Variants in B3GLCT observed in about 807,000 individuals in gnomAD.
B3GLCT encodes beta 3-glucosyltransferase.
Under a neutral mutation model 63.4 loss-of-function variants are expected in B3GLCT, and 65 were observed. That is an observed-to-expected ratio of 1.03 (90% CI 0.84 to 1.26). The LOEUF is 1.26. Among genes scored for constraint, B3GLCT ranks in the 50% most tolerant of loss-of-function variants. The pLI, the probability that B3GLCT is intolerant of heterozygous loss-of-function variation, is 0.00. For missense variants in B3GLCT, 577 were observed against 604.8 expected, an observed-to-expected ratio of 0.95 and a Z score of 0.48; for synonymous variants, 233 against 219.2, an observed-to-expected ratio of 1.06 and a Z score of -0.55.
intron 10 of B3GLCT, among the ~76,000 whole-genome samples, chr13:31,282,410 C>A (rs1010084427): frequency 1.3e-5 from 2 of 151,972 alleles, no homozygotes; most frequent in Non-Finnish European, 2.9e-5. Flanking sequence ...GAGGCCGAGG[C>A]GGGCGGATCA....
rs1036781137 is a variant in B3GLCT at position 31,208,627 on chromosome 13, C to G, written c.71-6424C>G. Among the ~76,000 whole-genome samples, 133 of 133,302 alleles carry G rather than the reference C, an allele frequency of 1.0e-3. 3 individuals are homozygous for G. The East Asian group carries it at 0.01, about 10-fold the overall frequency. The allele number at this position is 133,302 out of a possible 152,430, so 87.5% of individuals were successfully genotyped here. A position where few individuals can be genotyped will look rare whatever the true frequency, so the allele number is the denominator to read the frequency against. Reference sequence around the variant, plus strand: ...CTTCTGCTTCTTTAGTGGCCCCCCCCCCCCGCTCACTGCCACCTTCATTGA... The same window carrying G: ...CTTCTGCTTCTTTAGTGGCCCCCCCGCCCCGCTCACTGCCACCTTCATTGA... On this transcript the variant is annotated intron_variant, in intron 1 of 14. Transcript: ENST00000343307.
intron 6 of B3GLCT, among the ~76,000 whole-genome samples, chr13:31,260,218 T>C (rs1429362349): frequency 6.6e-6 from 1 of 152,242 alleles, no homozygotes; most frequent in African/African-American, 2.4e-5. Context: ...GATTTTTGCA[T>C]AGAGCTGGCT....
At chr13:31,240,352 CTT>C (rs990531560) in intron 4 of B3GLCT, among the ~76,000 whole-genome samples, 2 of 152,046 alleles carry the variant, frequency 1.3e-5, no homozygotes, top group African/African-American at 4.8e-5. Flanking sequence ...ACTATAAACC[CTT>C]TATTTAAAAC....
intron 7 of B3GLCT, among the ~76,000 whole-genome samples, chr13:31,267,450 T>A (rs1286919502): frequency 6.6e-6 from 1 of 152,236 alleles, no homozygotes; most frequent in Admixed American, 6.5e-5. Flanking sequence ...GAAAACATGC[T>A]CCAACTGAGC....
At chr13:31,202,626 CT>C (rs1440429492) in intron 1 of B3GLCT, among the ~76,000 whole-genome samples, 3 of 152,078 alleles carry the variant, frequency 2.0e-5, no homozygotes, top group African/African-American at 7.2e-5. Context: ...TCTCAGTGGC[CT>C]TTGCATATAG....
chr13:31,255,111 C>G (rs529842277), intron 6 of B3GLCT, among the ~76,000 whole-genome samples: 2 of 151,670 alleles, frequency 1.3e-5, no homozygotes, highest in Non-Finnish European at 2.9e-5. Flanking sequence ...AGCAAAGTCT[C>G]GGGATACAAA....
At chr13:31,259,161 A>G (rs1871891298) in intron 6 of B3GLCT, among the ~76,000 whole-genome samples, 1 of 152,212 alleles carries the variant, frequency 6.6e-6, no homozygotes, top group South Asian at 2.1e-4. Flanking sequence ...TTTTATCCTT[A>G]AAGAACACAT....
At chr13:31,302,368 G>A (rs946157405) in intron 12 of B3GLCT, among the ~76,000 whole-genome samples, 5 of 151,754 alleles carry the variant, frequency 3.3e-5, no homozygotes, top group African/African-American at 7.3e-5. Flanking sequence ...AGCTCCCAGC[G>A]TGAGCGACGC....
intron 7 of B3GLCT, among the ~76,000 whole-genome samples, chr13:31,265,981 G>A (rs931465823): frequency 2.0e-5 from 3 of 152,050 alleles, no homozygotes; most frequent in African/African-American, 7.2e-5. Context: ...TTAGAACTGT[G>A]CTATTGGGGG....
chr13:31,235,894 C>T (rs2137784504), intron 4 of B3GLCT, among the ~76,000 whole-genome samples: 1 of 152,250 alleles, frequency 6.6e-6, no homozygotes, highest in East Asian at 1.9e-4. Context: ...TTCTGGATTT[C>T]TCGAAGAGTG....
At chr13:31,296,738 A>T (rs1274277944) in intron 12 of B3GLCT, among the ~76,000 whole-genome samples, 1 of 151,868 alleles carries the variant, frequency 6.6e-6, no homozygotes, top group Non-Finnish European at 1.5e-5. Flanking sequence ...CATCCACCAT[A>T]TGTTTCTTTT....
chr13:31,261,000 T>C lies in B3GLCT; in HGVS notation c.514T>C (p.Tyr172His), dbSNP rs781296239. 10 of 1,614,080 alleles carry C rather than the reference T, an allele frequency of 6.2e-6. No individual in the cohort carries two copies. The highest frequency in any genetic ancestry group is 7.6e-6 in the Non-Finnish European group (9 of 1,179,948). The change falls in exon 7 of 15, where the codon TAT becomes CAT. Residue 172 changes from tyrosine to histidine, a missense_variant. Transcript: ENST00000343307. ...TGAAGAAGCTACAATAATTCACCATTATGCCTTTTCCGAGAATCCTACAGT... is the reference window on the plus strand; with the variant it reads ...TGAAGAAGCTACAATAATTCACCATCATGCCTTTTCCGAGAATCCTACAGT... ...HDEEATIIHHYAFSENPTVFK... is the reference protein window; with the variant it reads ...HDEEATIIHHHAFSENPTVFK...
intron 3 of B3GLCT, among the ~76,000 whole-genome samples, chr13:31,225,315 G>A (rs1870042190): frequency 6.6e-6 from 1 of 152,178 alleles, no homozygotes; most frequent in South Asian, 2.1e-4. Context: ...TGTGGACTGG[G>A]CAGCAGGAGC....
At chr13:31,238,888 C>T (rs142301851) in intron 4 of B3GLCT, among the ~76,000 whole-genome samples, 211 of 152,238 alleles carry the variant, frequency 1.4e-3, no homozygotes, top group African/African-American at 4.3e-3. Context: ...TTGAGAATGA[C>T]GATAACGTGT....
intron 12 of B3GLCT, among the ~76,000 whole-genome samples, chr13:31,304,244 C>T (rs1313494691): frequency 3.6e-5 from 1 of 28,128 alleles, no homozygotes. Context: ...TAAAGACCAT[C>T]GAGACTAGGA....
chr13:31,217,689 A>G (rs983265724), intron 2 of B3GLCT, among the ~76,000 whole-genome samples: 1 of 152,172 alleles, frequency 6.6e-6, no homozygotes, highest in African/African-American at 2.4e-5. Context: ...CCATTTATTG[A>G]ATAGTGAGTC....
At chr13:31,215,893 C>T (rs545652953) in intron 2 of B3GLCT, among the ~76,000 whole-genome samples, 4 of 152,130 alleles carry the variant, frequency 2.6e-5, no homozygotes, top group Admixed American at 1.3e-4. Flanking sequence ...AGAGTCAGAA[C>T]CAGAAAGCTA....
At chr13:31,215,231 C>A in intron 2 of B3GLCT, 131 bp downstream of exon 2, 1 of 1,007,886 alleles carries the variant, frequency 9.9e-7, no homozygotes, top group Non-Finnish European at 1.5e-6. Context: ...ATGTGGTCAA[C>A]ATGGATTTTG....
chr13:31,331,920 C>G lies in B3GLCT; in HGVS notation c.*2252C>G, dbSNP rs1378753827. 1 of 152,122 alleles carries G rather than the reference C, an allele frequency of 6.6e-6. No homozygotes were observed. Among genetic ancestry groups the G allele is most frequent in the African/African-American group, 2.4e-5 (1 of 41,428 alleles). 9.4% of individuals were successfully genotyped at this position (152,122 alleles called of 1,614,324 possible). A position where few individuals can be genotyped will look rare whatever the true frequency, so the allele number is the denominator to read the frequency against. ...CATCAGGGATTTGTGTGTGGAATAA[C>G]TGGAATGTCATTTTTGCTTTTAAGC... On this transcript the variant is annotated 3_prime_UTR_variant, in exon 15 of 15. Transcript: ENST00000343307.
Sources: allele counts gnomAD v4.1 joint callset (sites outside exome capture counted in the v4.1 genomes callset), GRCh38; gene constraint gnomAD v4.1.1; transcripts MANE v1.5; gene names NCBI Gene and HGNC (gene_info 2026-07-23, HGNC 2026-07-21).